GABBR2: variants seen among roughly 807,000 people sequenced by gnomAD.
GABBR2 encodes gamma-aminobutyric acid type B receptor subunit 2.
A neutral mutation model predicts 105.6 loss-of-function variants in GABBR2; 23 were observed. The ratio of observed to expected loss-of-function variants is 0.22; its 90% CI spans 0.16 to 0.31. The LOEUF is 0.31. GABBR2 is among the 10% of genes least tolerant of loss of function. The pLI, the probability that GABBR2 is intolerant of heterozygous loss-of-function variation, is 1.00. For missense variants in GABBR2, 734 were observed against 1,245.5 expected (o/e 0.59, Z 6.18); for synonymous variants, 478 against 499.7 (o/e 0.96, Z 0.58).
intron 7 of GABBR2, among the ~76,000 whole-genome samples, chr9:98,414,437 C>A (rs1832649122): frequency 6.6e-6 from 1 of 152,176 alleles, no homozygotes; most frequent in African/African-American, 2.4e-5. Context: ...AGGAATGTGA[C>A]CGGCAAGGTG....
chr9:98,480,128 C>T (rs1458820308), intron 5 of GABBR2, among the ~76,000 whole-genome samples: 1 of 152,160 alleles, frequency 6.6e-6, no homozygotes, highest in African/African-American at 2.4e-5. Context: ...AGAATGACCT[C>T]AGTCTAAAAG....
intron 6 of GABBR2, among the ~76,000 whole-genome samples, chr9:98,459,930 C>G (rs1350966552): frequency 6.6e-6 from 1 of 152,226 alleles, no homozygotes; most frequent in Non-Finnish European, 1.5e-5. Flanking sequence ...AAAACACTAT[C>G]TGTAGCCTCT....
At chr9:98,661,101 G>C (rs2151073) in intron 1 of GABBR2, among the ~76,000 whole-genome samples, 141,545 of 152,274 alleles carry the variant, frequency 0.93, 65,915 homozygotes, top group African/African-American at 0.97. Flanking sequence ...TAGAGATGGG[G>C]TTTCGCCATT....
intron 2 of GABBR2, among the ~76,000 whole-genome samples, chr9:98,566,314 A>AT (rs1191466406): frequency 6.6e-6 from 1 of 152,168 alleles, no homozygotes; most frequent in Admixed American, 6.5e-5. Context: ...AAAAAAGCCC[A>AT]TTTTTAGTCA....
Position 98,288,571 on chromosome 9 carries a change from A to C in GABBR2, c.*2013T>G, listed in dbSNP as rs2131327436. On this transcript the variant is annotated 3_prime_UTR_variant, in exon 19 of 19. Transcript: ENST00000259455. ...TGTGTGTGTGTATACATTATGTACA[A>C]TTAATTGTCTCTTTCCCTTTGAAAA... 1 of 152,614 alleles carries C rather than the reference A, an allele frequency of 6.6e-6. No individual in the cohort carries two copies. The highest frequency in any genetic ancestry group is 1.9e-4 in the East Asian group (1 of 5,190). 9.5% of individuals were successfully genotyped at this position (152,614 alleles called of 1,614,324 possible). A position where few individuals can be genotyped will look rare whatever the true frequency, so the allele number is the denominator to read the frequency against.
intron 1 of GABBR2, among the ~76,000 whole-genome samples, chr9:98,664,950 A>G (rs1830313870): frequency 2.0e-5 from 3 of 151,548 alleles, no homozygotes; most frequent in Non-Finnish European, 4.4e-5. Flanking sequence ...ACATAGTGAG[A>G]CCCCCATCTC....
intron 6 of GABBR2, among the ~76,000 whole-genome samples, chr9:98,468,496 C>T (rs1826604403): frequency 6.6e-6 from 1 of 152,114 alleles, no homozygotes; most frequent in South Asian, 2.1e-4. Context: ...GCCAAAATAT[C>T]TCAGTAATTA....
intron 3 of GABBR2, among the ~76,000 whole-genome samples, chr9:98,504,928 TA>T (rs1372887664): frequency 5.3e-5 from 8 of 152,230 alleles, no homozygotes; most frequent in African/African-American, 1.7e-4. Context: ...TTAAGCTAAT[TA>T]AAAAATTAGC....
chr9:98,324,517 C>CAA (rs1328783824), intron 13 of GABBR2, among the ~76,000 whole-genome samples: 1 of 151,480 alleles, frequency 6.6e-6, no homozygotes, highest in Non-Finnish European at 1.5e-5. Flanking sequence ...CACACACACA[C>CAA]ACACACACAC....
At chr9:98,558,522 G>T (rs1479388944) in intron 2 of GABBR2, among the ~76,000 whole-genome samples, 1 of 152,184 alleles carries the variant, frequency 6.6e-6, no homozygotes, top group African/African-American at 2.4e-5. Flanking sequence ...AGAAAGAAGG[G>T]ATTTGCCCAG....
At chr9:98,316,677 G>A (rs898125626) in intron 13 of GABBR2, among the ~76,000 whole-genome samples, 1 of 152,258 alleles carries the variant, frequency 6.6e-6, no homozygotes, top group East Asian at 1.9e-4. Flanking sequence ...GAGAGAGAGG[G>A]CTGACTTCAC....
chr9:98,469,979 A>G (rs1423125848), intron 6 of GABBR2, among the ~76,000 whole-genome samples: 1 of 152,202 alleles, frequency 6.6e-6, no homozygotes, highest in African/African-American at 2.4e-5. Flanking sequence ...ACTCTCTAGA[A>G]CTATGTTTGA....
At chr9:98,560,408 C>CACACACACATATACACAT (rs1337312020) in intron 2 of GABBR2, among the ~76,000 whole-genome samples, 1 of 108,904 alleles carries the variant, frequency 9.2e-6, no homozygotes, top group Non-Finnish European at 2.3e-5. Flanking sequence ...CACATACACA[C>CACACACACATATACACAT]ACACACACAT....
intron 1 of GABBR2, among the ~76,000 whole-genome samples, chr9:98,582,945 A>G (rs1829022000): frequency 6.6e-6 from 1 of 152,194 alleles, no homozygotes; most frequent in Non-Finnish European, 1.5e-5. Flanking sequence ...CTGTCTTGCC[A>G]GGATTAGGAG....
intron 13 of GABBR2, among the ~76,000 whole-genome samples, chr9:98,318,345 G>A (rs979815020): frequency 6.6e-6 from 1 of 152,214 alleles, no homozygotes; most frequent in South Asian, 2.1e-4. Flanking sequence ...CAGCTTAGAA[G>A]CAGTCTGGTT....
At chr9:98,436,622 G>C (rs1030093456) in intron 7 of GABBR2, among the ~76,000 whole-genome samples, 7 of 150,682 alleles carry the variant, frequency 4.6e-5, no homozygotes, top group Non-Finnish European at 1.0e-4. Context: ...TGATCTGCAG[G>C]CTCCATGCCC....
chr9:98,311,608 T>C (rs1300986472), intron 13 of GABBR2, among the ~76,000 whole-genome samples: 3 of 152,228 alleles, frequency 2.0e-5, no homozygotes, highest in Non-Finnish European at 4.4e-5. Flanking sequence ...TGGGGTTACC[T>C]CTGTGCAACT....
chr9:98,366,007 A>G (rs1165163270), intron 12 of GABBR2, among the ~76,000 whole-genome samples: 2 of 152,210 alleles, frequency 1.3e-5, no homozygotes, highest in Non-Finnish European at 2.9e-5. Flanking sequence ...GGAGGTACTT[A>G]GTGGCAGATG....
intron 2 of GABBR2, among the ~76,000 whole-genome samples, chr9:98,556,265 C>T (rs904137371): frequency 6.6e-6 from 1 of 152,156 alleles, no homozygotes; most frequent in African/African-American, 2.4e-5. Context: ...GCCACCTGCC[C>T]GCTGACACTC....
Sources: gnomAD v4.1 joint callset for allele counts (sites outside exome capture counted in the v4.1 genomes callset) on GRCh38, gnomAD v4.1.1 for gene constraint, MANE v1.5 for transcripts, NCBI Gene and HGNC (gene_info 2026-07-23, HGNC 2026-07-21) for gene names.